CNTNAP2: variants seen among roughly 807,000 people sequenced by gnomAD.
The protein encoded by CNTNAP2 is contactin associated protein 2.
In CNTNAP2, 98 loss-of-function variants were observed where a neutral mutation model predicts 155.2. The observed-to-expected ratio is 0.63, with a 90% CI of 0.54 to 0.75. The LOEUF (loss-of-function observed/expected upper bound fraction) is 0.75, where lower values mean the gene tolerates loss of function less well. Among genes scored for constraint, CNTNAP2 ranks in the 30% least tolerant of loss-of-function variants. The probability of loss-of-function intolerance (pLI) is 0.00; values close to 1 mark genes in which losing one functional copy is unlikely to be tolerated. For synonymous variants in CNTNAP2, 651 were observed against 631.2 expected, an observed-to-expected ratio of 1.03 and a Z score of -0.47; for missense variants, 1,727 against 1,688.1, an observed-to-expected ratio of 1.02 and a Z score of -0.40.
chr7:147,959,730 C>T (rs777545452), intron 14 of CNTNAP2, among the ~76,000 whole-genome samples: 11 of 152,062 alleles, frequency 7.2e-5, no homozygotes, highest in African/African-American at 1.9e-4. Context: ...GTTGCCATGG[C>T]GATGGTAAAC....
intron 1 of CNTNAP2, among the ~76,000 whole-genome samples, chr7:146,192,692 C>A (rs974360374): frequency 6.6e-6 from 1 of 152,138 alleles, no homozygotes; most frequent in Non-Finnish European, 1.5e-5. Flanking sequence ...GGGGACACAG[C>A]AAAACCATAT....
chr7:146,585,981 G>A (rs187142731), intron 1 of CNTNAP2, among the ~76,000 whole-genome samples: 1,637 of 151,254 alleles, frequency 0.011, 16 homozygotes, highest in Non-Finnish European at 0.018. Flanking sequence ...CTCCAGCCTG[G>A]GTGACAAAGT....
intron 2 of CNTNAP2, among the ~76,000 whole-genome samples, chr7:146,822,054 A>G (rs1399751230): frequency 6.6e-6 from 1 of 152,148 alleles, no homozygotes; most frequent in Non-Finnish European, 1.5e-5. Context: ...TCACAGTAGC[A>G]AAGACTTGGA....
rs141714734 is a variant in CNTNAP2, at chr7:147,495,733, A to G, written c.1777+9692A>G. Reference sequence around the variant, plus strand: ...GTAACAAAGCATAACTTCAGATGCTATTCTTCATAAGTCATTTTTTTAAAT... The same window carrying G: ...GTAACAAAGCATAACTTCAGATGCTGTTCTTCATAAGTCATTTTTTTAAAT... On this transcript the variant is annotated intron_variant, in intron 11 of 23. Coordinates refer to ENST00000361727, the MANE Select transcript of CNTNAP2 (RefSeq NM_014141.6). Among the ~76,000 whole-genome samples the G allele has an allele frequency of 4.8e-3, 725 of 152,308 alleles. 2 individuals carry two copies. Among genetic ancestry groups the G allele is most frequent in the African/African-American group, 0.017 (705 of 41,572 alleles).
At chr7:146,550,780 A>G (rs1798110428) in intron 1 of CNTNAP2, among the ~76,000 whole-genome samples, 1 of 152,064 alleles carries the variant, frequency 6.6e-6, no homozygotes, top group African/African-American at 2.4e-5. Context: ...GGTATTCCAT[A>G]AATAAGCTAA....
At chr7:148,395,891 G>A (rs10242598) in intron 22 of CNTNAP2, among the ~76,000 whole-genome samples, 44,784 of 151,934 alleles carry the variant, frequency 0.29, 7,272 homozygotes, top group African/African-American at 0.43. Context: ...TTCCCCTGCC[G>A]CGAATTTCTT....
intron 2 of CNTNAP2, among the ~76,000 whole-genome samples, chr7:146,785,614 TG>T (rs1324255403): frequency 6.6e-6 from 1 of 152,228 alleles, no homozygotes; most frequent in Non-Finnish European, 1.5e-5. Context: ...TCTCACAAAT[TG>T]TTTGGTCACT....
chr7:146,618,551 A>C (rs138593284), intron 1 of CNTNAP2, among the ~76,000 whole-genome samples: 1 of 152,180 alleles, frequency 6.6e-6, no homozygotes, highest in African/African-American at 2.4e-5. Flanking sequence ...TCAAAATCCA[A>C]AGGACAATTG....
chr7:146,745,783 A>G (rs1801799961), intron 1 of CNTNAP2, among the ~76,000 whole-genome samples: 1 of 114,396 alleles, frequency 8.7e-6, no homozygotes, highest in African/African-American at 2.9e-5. Context: ...AAAAAAAAAG[A>G]GGTCTGTTAA....
intron 21 of CNTNAP2, among the ~76,000 whole-genome samples, chr7:148,279,232 T>C (rs1796930499): frequency 6.6e-6 from 1 of 152,120 alleles, no homozygotes; most frequent in Non-Finnish European, 1.5e-5. Context: ...TGGGCTGATA[T>C]AGGGGCAGGA....
At chr7:147,486,165 A>G (rs974013243) in intron 11 of CNTNAP2, 124 bp downstream of exon 11, 2 of 716,730 alleles carry the variant, frequency 2.8e-6, no homozygotes, top group Middle Eastern at 2.5e-4. Flanking sequence ...TGAAAAACCA[A>G]GATTCCAATT....
chr7:146,541,900 C>T (rs1797958883), intron 1 of CNTNAP2, among the ~76,000 whole-genome samples: 1 of 151,926 alleles, frequency 6.6e-6, no homozygotes, highest in Admixed American at 6.6e-5. Context: ...TTGAATTTCC[C>T]ATATTGTTAA....
At chr7:146,625,441 A>T (rs541758986) in intron 1 of CNTNAP2, among the ~76,000 whole-genome samples, 1 of 152,164 alleles carries the variant, frequency 6.6e-6, no homozygotes, top group South Asian at 2.1e-4. Flanking sequence ...ATACTTGAAA[A>T]ATAATAATCA....
At chr7:146,906,461 G>T (rs573356840) in intron 3 of CNTNAP2, among the ~76,000 whole-genome samples, 2 of 151,952 alleles carry the variant, frequency 1.3e-5, no homozygotes, top group Non-Finnish European at 2.9e-5. Context: ...ATCTGAAAAC[G>T]GGCAGACTGC....
At chr7:148,069,665 C>A (rs538891212) in intron 15 of CNTNAP2, among the ~76,000 whole-genome samples, 2 of 149,962 alleles carry the variant, frequency 1.3e-5, no homozygotes. Context: ...GAGGCTGAGA[C>A]AGGAGAATGG....
rs58589284 is a variant in CNTNAP2, at chr7:147,238,798, A to T, written c.1349-61343A>T. Among the ~76,000 whole-genome samples, 594 of 152,308 alleles carry T rather than the reference A, an allele frequency of 3.9e-3. 5 individuals are homozygous for T. Among genetic ancestry groups the T allele is most frequent in the African/African-American group, 0.014 (575 of 41,562 alleles). ...ATTCTCCCTTTCTGTTATCAGATACAGATTCAGCAATTAATTTCCTGATTA... is the reference window on the plus strand; with the variant it reads ...ATTCTCCCTTTCTGTTATCAGATACTGATTCAGCAATTAATTTCCTGATTA... On this transcript the variant is annotated intron_variant, in intron 8 of 23. Coordinates refer to ENST00000361727, the MANE Select transcript of CNTNAP2 (RefSeq NM_014141.6).
intron 22 of CNTNAP2, among the ~76,000 whole-genome samples, chr7:148,389,369 CTCTT>C (rs1035650400): frequency 1.6e-4 from 25 of 152,222 alleles, no homozygotes; most frequent in African/African-American, 5.8e-4. Flanking sequence ...CACAAGCTCT[CTCTT>C]TGCCTGCTGC....
chr7:147,731,496 A>G (rs1244744350), intron 13 of CNTNAP2, among the ~76,000 whole-genome samples: 5 of 152,246 alleles, frequency 3.3e-5, no homozygotes, highest in African/African-American at 1.2e-4. Flanking sequence ...TACATAGAAA[A>G]AAAAAAGATT....
intron 1 of CNTNAP2, among the ~76,000 whole-genome samples, chr7:146,374,545 G>C (rs761401623): frequency 1.3e-5 from 2 of 152,178 alleles, no homozygotes; most frequent in Non-Finnish European, 2.9e-5. Context: ...TTCTTAGTAG[G>C]AGGCCTTTGA....
Sources: allele counts gnomAD v4.1 joint callset (sites outside exome capture counted in the v4.1 genomes callset), GRCh38; gene constraint gnomAD v4.1.1; transcripts MANE v1.5; gene names NCBI Gene and HGNC (gene_info 2026-07-23, HGNC 2026-07-21).